The following PTPRM variants were observed in gnomAD, a reference collection of about 807,000 sequenced individuals.
PTPRM encodes the protein protein tyrosine phosphatase receptor type M, also known as receptor-type tyrosine-protein phosphatase mu.
Under a neutral mutation model 186.7 loss-of-function variants are expected in PTPRM, and 47 were observed. The observed-to-expected ratio is 0.25, with a 90% CI of 0.20 to 0.32. PTPRM has a LOEUF of 0.32. Among genes scored for constraint, PTPRM ranks in the 10% least tolerant of loss-of-function variants. The pLI is 1.00. For synonymous variants in PTPRM, 668 were observed against 674.9 expected (o/e 0.99, Z 0.16); for missense variants, 1,494 against 1,865.0 (o/e 0.80, Z 3.66).
chr18:7,622,648 A>G (rs1320889948), intron 1 of PTPRM, among the ~76,000 whole-genome samples: 3 of 152,150 alleles, frequency 2.0e-5, no homozygotes, highest in Admixed American at 1.3e-4. Context: ...GCAAGCCCCA[A>G]GTCAGGCCTG....
intron 2 of PTPRM, among the ~76,000 whole-genome samples, chr18:7,782,330 G>A (rs1339824569): frequency 1.3e-5 from 2 of 152,088 alleles, no homozygotes; most frequent in South Asian, 2.1e-4. Context: ...TACGTTTCAT[G>A]TTAATTAGGA....
In PTPRM at chr18:7,601,346, G is replaced by A. The variant is rs186718155; in HGVS notation, c.73+33455G>A. Among the ~76,000 whole-genome samples, 221 of 152,252 alleles carry A rather than the reference G, an allele frequency of 1.5e-3. 1 individual carries two copies. Among genetic ancestry groups the A allele is most frequent in the Non-Finnish European group, 2.5e-3 (172 of 68,020 alleles). Reference sequence around the variant, plus strand: ...CTGTATGAGTCACTACTCTCCCCCGGTGCATTAGTTTCCTGGGGCTGCTGT... The same window carrying A: ...CTGTATGAGTCACTACTCTCCCCCGATGCATTAGTTTCCTGGGGCTGCTGT... On this transcript the variant is annotated intron_variant, in intron 1 of 32. Coordinates refer to ENST00000580170, the MANE Select transcript of PTPRM (RefSeq NM_001105244.2).
intron 1 of PTPRM, among the ~76,000 whole-genome samples, chr18:7,578,305 A>G (rs1468547643): frequency 2.0e-5 from 3 of 149,602 alleles, no homozygotes; most frequent in African/African-American, 7.4e-5. Flanking sequence ...TTGGGAGCAT[A>G]GGTGCATCAC....
intron 2 of PTPRM, among the ~76,000 whole-genome samples, chr18:7,776,869 T>C (rs556822647): frequency 1.3e-5 from 2 of 152,204 alleles, no homozygotes; most frequent in Non-Finnish European, 2.9e-5. Context: ...AACAGCATCT[T>C]ATAAACATGC....
At chr18:7,785,280 G>A (rs556250016) in intron 2 of PTPRM, among the ~76,000 whole-genome samples, 1 of 152,290 alleles carries the variant, frequency 6.6e-6, no homozygotes, top group South Asian at 2.1e-4. Flanking sequence ...TGATAAGAGT[G>A]TCTCCAGAAA....
chr18:7,910,067 T>C (rs1190951103), intron 4 of PTPRM, among the ~76,000 whole-genome samples: 1 of 152,248 alleles, frequency 6.6e-6, no homozygotes, highest in Non-Finnish European at 1.5e-5. Flanking sequence ...ATTTCTCTTA[T>C]TACCTTCTGG....
chr18:7,718,855 T>A (rs184522483), intron 1 of PTPRM, among the ~76,000 whole-genome samples: 1 of 152,122 alleles, frequency 6.6e-6, no homozygotes, highest in African/African-American at 2.4e-5. Flanking sequence ...AAAACCATAA[T>A]GAGATATAAG....
chr18:7,591,615 ATAAT>A (rs2037129154), intron 1 of PTPRM, among the ~76,000 whole-genome samples: 1 of 152,234 alleles, frequency 6.6e-6, no homozygotes, highest in Non-Finnish European at 1.5e-5. Context: ...AAAATAAATG[ATAAT>A]TAACATAAAG....
intron 7 of PTPRM, among the ~76,000 whole-genome samples, chr18:8,037,475 A>G (rs1216671036): frequency 6.6e-6 from 1 of 152,136 alleles, no homozygotes; most frequent in African/African-American, 2.4e-5. Context: ...TCAACATCTT[A>G]AGTGTGAGAA....
intron 1 of PTPRM, among the ~76,000 whole-genome samples, chr18:7,579,401 A>G (rs2036785056): frequency 6.6e-6 from 1 of 152,262 alleles, no homozygotes; most frequent in African/African-American, 2.4e-5. Flanking sequence ...TATTGAATTT[A>G]TCACATCTAC....
intron 1 of PTPRM, among the ~76,000 whole-genome samples, chr18:7,571,712 G>T (rs1452818472): frequency 6.6e-6 from 1 of 152,174 alleles, no homozygotes; most frequent in African/African-American, 2.4e-5. Flanking sequence ...TGGGAAAACA[G>T]CTGAAATCTG....
chr18:7,998,788 A>G (rs1041589306), intron 7 of PTPRM, among the ~76,000 whole-genome samples: 5 of 151,954 alleles, frequency 3.3e-5, no homozygotes, highest in African/African-American at 1.2e-4. Flanking sequence ...CTGTGTAGCT[A>G]GAATTACAGG....
chr18:8,071,718 C>A (rs975326424), intron 8 of PTPRM, among the ~76,000 whole-genome samples: 4 of 152,172 alleles, frequency 2.6e-5, no homozygotes, highest in Non-Finnish European at 5.9e-5. Flanking sequence ...CTTGGCCAGT[C>A]GGGGCCTCTC....
chr18:7,687,908 G>A (rs998055196), intron 1 of PTPRM, among the ~76,000 whole-genome samples: 14 of 151,680 alleles, frequency 9.2e-5, no homozygotes, highest in South Asian at 8.3e-4. Context: ...CTCCCGAATA[G>A]CCAGGACTAC....
At chr18:7,612,825 G>C (rs2037708646) in intron 1 of PTPRM, among the ~76,000 whole-genome samples, 1 of 152,138 alleles carries the variant, frequency 6.6e-6, no homozygotes, top group African/African-American at 2.4e-5. Context: ...CTGCAAGAAG[G>C]CTTTGTAAAA....
At chr18:8,010,677 C>T (rs1020482414) in intron 7 of PTPRM, among the ~76,000 whole-genome samples, 1 of 152,130 alleles carries the variant, frequency 6.6e-6, no homozygotes, top group Non-Finnish European at 1.5e-5. Context: ...GAGGGAGAGA[C>T]AGCCTTGCAC....
chr18:7,992,921 CAGT>C (rs1162452214), intron 7 of PTPRM, among the ~76,000 whole-genome samples: 6 of 151,632 alleles, frequency 4.0e-5, no homozygotes, highest in South Asian at 2.1e-4. Flanking sequence ...TGAATGATGG[CAGT>C]AGTAGTAGTA....
chr18:7,675,981 C>T (rs2039326411), intron 1 of PTPRM, among the ~76,000 whole-genome samples: 1 of 152,110 alleles, frequency 6.6e-6, no homozygotes, highest in Admixed American at 6.5e-5. Context: ...AGGTGATCTG[C>T]CCGCCTCAGT....
In PTPRM at chr18:7,567,807, G is replaced by T. The variant is rs1478073323; in HGVS notation, c.-12G>T. On this transcript the variant is annotated 5_prime_UTR_variant, in exon 1 of 33. Transcript: ENST00000580170. The surrounding 1 kb of genome is among the most constrained non-coding windows in gnomAD (Gnocchi z 4.3). ...CCGCCGCCGGGGAGCGGCCCGGCCC[G>T]CACTCAGCACCATGAGGGGACTTGG... The T allele has an allele frequency of 2.6e-6, 4 of 1,536,498 alleles. No homozygotes were observed. The highest frequency in any genetic ancestry group is 1.4e-5 in the African/African-American group (1 of 69,166).
Sources: gnomAD v4.1 joint callset for allele counts (sites outside exome capture counted in the v4.1 genomes callset) on GRCh38, gnomAD v4.1.1 for gene constraint, Gnocchi (gnomAD v3.1) non-coding constraint, MANE v1.5 for transcripts, NCBI Gene and HGNC (gene_info 2026-07-23, HGNC 2026-07-21) for gene names.